Variants in ARHGEF33 observed in about 807,000 individuals in gnomAD.
ARHGEF33 encodes the protein Rho guanine nucleotide exchange factor 33.
ARHGEF33 carries 72 observed loss-of-function variants against 101.9 expected under a neutral mutation model. The ratio of observed to expected loss-of-function variants is 0.71; its 90% CI spans 0.58 to 0.86. ARHGEF33 has a LOEUF of 0.86. ARHGEF33 is among the 40% of genes least tolerant of loss of function. The pLI is 0.00. For synonymous variants in ARHGEF33, 499 were observed against 442.5 expected (o/e 1.13, Z -1.60); for missense variants, 1,169 against 1,111.3 (o/e 1.05, Z -0.74).
At chr2:38,963,846 G>A (rs73930386) in intron 16 of ARHGEF33, among the ~76,000 whole-genome samples, 3,044 of 152,216 alleles carry the variant, frequency 0.02, 128 homozygotes, top group African/African-American at 0.07. Flanking sequence ...AGTGGTCCCC[G>A]ACTTTTTTGG....
intron 17 of ARHGEF33, among the ~76,000 whole-genome samples, chr2:38,971,225 G>T (rs1668158398): frequency 1.3e-5 from 2 of 152,174 alleles, no homozygotes. Flanking sequence ...AGCAAATCTA[G>T]ACTTGGTATG....
chr2:38,920,430 A>T (rs1373130038), intron 3 of ARHGEF33, among the ~76,000 whole-genome samples: 1 of 107,700 alleles, frequency 9.3e-6, no homozygotes, highest in African/African-American at 3.7e-5. Flanking sequence ...TTTTTGAGAC[A>T]GAGTTTCGCT....
At chr2:38,973,490 A>G (rs949509199) in intron 17 of ARHGEF33, among the ~76,000 whole-genome samples, 21 of 152,236 alleles carry the variant, frequency 1.4e-4, no homozygotes, top group Middle Eastern at 3.4e-3. Flanking sequence ...GACATATACA[A>G]TTGTCACAAT....
chr2:38,935,783 T>C lies in ARHGEF33; in HGVS notation c.514T>C (p.Ser172Pro), dbSNP rs1346071898. ...PSQAYEKAQE[S>P]RSVHVGDSNV... is the part of the protein sequence containing the mutation. ...CTTTCCTTTCTCTGCAGCCCAAGAG[T>C]CCAGATCTGTTCATGTAGGAGACAG... is the stretch of plus-strand genomic sequence containing the variant. Residue 172 changes from serine to proline, a missense_variant, in exon 8 of 18, where the codon TCC becomes CCC. Physicochemically the swap from Ser to Pro is moderately conservative, Grantham distance 74. Coordinates refer to ENST00000409978, the MANE Select transcript of ARHGEF33 (RefSeq NM_001145451.5). The C allele has an allele frequency of 6.4e-7, 1 of 1,551,838 alleles. No individual in the cohort carries two copies. Among genetic ancestry groups the C allele is most frequent in the Admixed American group, 2.0e-5 (1 of 50,958 alleles).
At chr2:38,965,806 T>C (rs1395302330) in intron 16 of ARHGEF33, among the ~76,000 whole-genome samples, 200 bp from the exon 17 acceptor site, 3 of 152,234 alleles carry the variant, frequency 2.0e-5, no homozygotes, top group Admixed American at 6.5e-5. Flanking sequence ...TAGAAAATAC[T>C]ACACTCAGCA....
rs1316820735 is a variant in ARHGEF33, at chr2:38,960,619, G to C, written c.2314G>C (p.Glu772Gln). ...TFFPQQRSQS[E>Q]KQTYLEVRRE... ...CTTCCCCCAACAGAGGTCCCAAAGC[G>C]AAAAACAGACCTATTTGGAAGTAAG... Residue 772 changes from glutamate to glutamine, a missense_variant, in exon 16 of 18, where the codon GAA becomes CAA. Physicochemically the swap from Glu to Gln is conservative, Grantham distance 29. Transcript: ENST00000409978. 1 of 1,418,348 alleles carries C rather than the reference G, an allele frequency of 7.1e-7. No individual in the cohort carries two copies. Among genetic ancestry groups the C allele is most frequent in the Non-Finnish European group, 9.3e-7 (1 of 1,071,082 alleles). The allele number at this position is 1,418,348 out of a possible 1,614,324, so 87.9% of individuals were successfully genotyped here. A position where few individuals can be genotyped will look rare whatever the true frequency, so the allele number is the denominator to read the frequency against.
At chr2:38,926,065 A>C (rs1177730655) in intron 4 of ARHGEF33, among the ~76,000 whole-genome samples, 2 of 152,194 alleles carry the variant, frequency 1.3e-5, no homozygotes, top group Admixed American at 6.5e-5. Context: ...AATAGGAAGA[A>C]TTCGGACTCC....
chr2:38,965,485 G>C (rs564225019), intron 16 of ARHGEF33, among the ~76,000 whole-genome samples: 89 of 152,286 alleles, frequency 5.8e-4, no homozygotes, highest in African/African-American at 1.9e-3. Flanking sequence ...CTTCTAAACA[G>C]GTCTGACTTC....
At position 38,890,205 on chromosome 2, in the gene ARHGEF33, A is replaced by C. The variant is rs545929507; in HGVS notation, c.-159+219A>C. On this transcript the variant is annotated intron_variant, in intron 1 of 17. Transcript: ENST00000409978. ...TTGCTTAATTTTTATATTATGTCTT[A>C]ACTGCGCTTTGCAGGTTATCGATAA... Among the ~76,000 whole-genome samples, 4 of 152,324 alleles carry C rather than the reference A, an allele frequency of 2.6e-5. No individual in the cohort carries two copies. The South Asian group carries it at 8.3e-4, about 32-fold the overall frequency.
At chr2:38,961,025 T>G (rs1482190399) in intron 16 of ARHGEF33, among the ~76,000 whole-genome samples, 2 of 152,180 alleles carry the variant, frequency 1.3e-5, no homozygotes, top group Non-Finnish European at 2.9e-5. Flanking sequence ...GAGTTGCACT[T>G]TTTTCAGAGC....
intron 17 of ARHGEF33, among the ~76,000 whole-genome samples, chr2:38,970,469 G>A (rs1444711087): frequency 6.6e-6 from 1 of 152,034 alleles, no homozygotes; most frequent in African/African-American, 2.4e-5. Flanking sequence ...ACCCACTTTG[G>A]GGTTCTCTCT....
chr2:38,907,075 G>C (rs1385629532), intron 2 of ARHGEF33, among the ~76,000 whole-genome samples: 3 of 152,158 alleles, frequency 2.0e-5, no homozygotes, highest in Non-Finnish European at 4.4e-5. Context: ...AGCAAAACTT[G>C]GTTGACAGAG....
chr2:38,926,228 A>G (rs367622478), intron 4 of ARHGEF33, among the ~76,000 whole-genome samples: 4 of 152,308 alleles, frequency 2.6e-5, no homozygotes, highest in African/African-American at 7.2e-5. Flanking sequence ...GAAAAAATCA[A>G]CGAGATGAGG....
chr2:38,937,511 G>A lies in ARHGEF33; in HGVS notation c.742G>A (p.Gly248Ser). Residue 248 changes from glycine (G) to serine (S), a missense_variant, in exon 9 of 18, where the codon GGT (glycine) becomes AGT (serine). Transcript: ENST00000409978. The part of the protein sequence containing the change: ...HPDKLKEAGQ[G>S]RHSSLENVLC... ...AGATAAACTCAAGGAGGCTGGCCAG[G>A]GTAGACACAGCTCCTTGGAAAACGT... 1 of 1,550,774 alleles carries A rather than the reference G, an allele frequency of 6.4e-7. No individual in the cohort carries two copies. The highest frequency in any genetic ancestry group is 1.2e-5 in the South Asian group (1 of 83,984).
At chr2:38,968,234 G>A (rs1668094031) in intron 17 of ARHGEF33, among the ~76,000 whole-genome samples, 1 of 152,128 alleles carries the variant, frequency 6.6e-6, no homozygotes, top group Non-Finnish European at 1.5e-5. Flanking sequence ...ACTGGAGCTG[G>A]CTGCGTCATG....
chr2:38,930,516 A>T lies in ARHGEF33; in HGVS notation c.363-593A>T, dbSNP rs185942260. On this transcript the variant is annotated intron_variant, in intron 6 of 17. Transcript: ENST00000409978. ...GTGTGGCCATCACGCTAGCTAATTTAAAAAAAAATTATAGAAATGGGTTTC... is the reference window on the plus strand; with the variant it reads ...GTGTGGCCATCACGCTAGCTAATTTTAAAAAAAATTATAGAAATGGGTTTC... Among the ~76,000 whole-genome samples, 249 of 151,174 alleles carry T rather than the reference A, an allele frequency of 1.6e-3. 1 individual carries two copies. Among genetic ancestry groups the T allele is most frequent in the Non-Finnish European group, 2.8e-3 (192 of 67,714 alleles).
chr2:38,939,709 G>A (rs1037197283), intron 9 of ARHGEF33, among the ~76,000 whole-genome samples: 2 of 152,116 alleles, frequency 1.3e-5, no homozygotes, highest in African/African-American at 4.8e-5. Flanking sequence ...GGAGTGCAGT[G>A]GCATAATCAC....
In ARHGEF33 at chr2:38,971,789, G is replaced by T. The variant is rs571812439; in HGVS notation, c.2484-1925G>T. On this transcript the variant is annotated intron_variant, in intron 17 of 17. Transcript: ENST00000409978. ...TGGAGACATAGGGAAGGTACAATTT[G>T]TGAGAAGAGCAGTTAAAAAAATTTA... is the stretch of plus-strand genomic sequence containing the variant. 7 of 717,574 alleles carry T rather than the reference G, an allele frequency of 9.8e-6. No individual in the cohort carries two copies. In the South Asian group the frequency reaches 1.0e-4, roughly 11 times the overall value. The allele number at this position is 717,574 out of a possible 1,614,324, so 44.5% of individuals were successfully genotyped here.
chr2:38,915,754 T>C (rs1237192342), intron 2 of ARHGEF33, among the ~76,000 whole-genome samples: 8 of 152,164 alleles, frequency 5.3e-5, no homozygotes, highest in Non-Finnish European at 7.4e-5. Context: ...TTATGTCTCA[T>C]GGTGGCTCAT....
Sources: allele counts gnomAD v4.1 joint callset (sites outside exome capture counted in the v4.1 genomes callset), GRCh38; gene constraint gnomAD v4.1.1; transcripts MANE v1.5; gene names NCBI Gene and HGNC (gene_info 2026-07-23, HGNC 2026-07-21).